RANBP2: variants seen among roughly 807,000 people sequenced by gnomAD.
RANBP2 encodes E3 SUMO-protein ligase RanBP2.
RANBP2 carries 57 observed loss-of-function variants against 303.6 expected under a neutral mutation model. The ratio of observed to expected loss-of-function variants is 0.19; its 90% CI spans 0.15 to 0.23. RANBP2 has a LOEUF of 0.23. Among genes scored for constraint, RANBP2 ranks in the 10% least tolerant of loss-of-function variants. The probability of loss-of-function intolerance (pLI) is 1.00; values close to 1 mark genes in which losing one functional copy is unlikely to be tolerated. For synonymous variants in RANBP2, 1,167 were observed against 1,301.5 expected, an observed-to-expected ratio of 0.90 and a Z score of 2.23; for missense variants, 3,138 against 3,780.8, an observed-to-expected ratio of 0.83 and a Z score of 4.46.
chr2:109,498,615 G>A, the RANBP2 span, among the ~76,000 whole-genome samples: 2 of 152,320 alleles, frequency 1.3e-5, no homozygotes, highest in African/African-American at 4.8e-5. Context: ...CCCTCCCAGA[G>A]CTGCTGAAAA....
chr2:108,881,314 C>G, the RANBP2 span, among the ~76,000 whole-genome samples: 1 of 152,352 alleles, frequency 6.6e-6, no homozygotes, highest in South Asian at 2.1e-4. Context: ...ACCTTTCCTT[C>G]TGCAGCTTCC....
At chr2:108,870,618 G>T in the RANBP2 span, among the ~76,000 whole-genome samples, 1 of 152,190 alleles carries the variant, frequency 6.6e-6, no homozygotes, top group Non-Finnish European at 1.5e-5. Flanking sequence ...AGTAAATGTG[G>T]TATGTACATA....
At chr2:109,240,592 A>G in the RANBP2 span, among the ~76,000 whole-genome samples, 2 of 152,278 alleles carry the variant, frequency 1.3e-5, no homozygotes, top group East Asian at 3.9e-4. Flanking sequence ...GTGGATAAAT[A>G]GGTTTTTCAT....
chr2:109,111,243 A>G, the RANBP2 span, among the ~76,000 whole-genome samples: 1,595 of 152,256 alleles, frequency 0.01, 31 homozygotes, highest in African/African-American at 0.036. Flanking sequence ...CACACACAAT[A>G]ATTCAAATCC....
the RANBP2 span, among the ~76,000 whole-genome samples, chr2:109,424,718 A>G: frequency 6.6e-6 from 1 of 152,126 alleles, no homozygotes; most frequent in African/African-American, 2.4e-5. Flanking sequence ...CTTACTCGAT[A>G]AGTGATGTGT....
chr2:108,786,943 T>G, downstream of RANBP2: 1 of 1,457,150 alleles, frequency 6.9e-7, no homozygotes, highest in South Asian at 1.3e-5. Context: ...GGTCCGCGGG[T>G]GGGCTCCTGC....
chr2:109,698,749 T>A, the RANBP2 span, among the ~76,000 whole-genome samples: 1 of 151,674 alleles, frequency 6.6e-6, no homozygotes, highest in Non-Finnish European at 1.5e-5. Flanking sequence ...CATGCTGGAG[T>A]TTTTTTGCAT....
chr2:108,766,319 T>C lies in RANBP2; in HGVS notation c.5780T>C (p.Ile1927Thr). 1 of 1,611,962 alleles carries C rather than the reference T, an allele frequency of 6.2e-7. No individual in the cohort carries two copies. The highest frequency in any genetic ancestry group is 8.5e-7 in the Non-Finnish European group (1 of 1,179,870). ...GGTACTGGCTTCCAGGCTCAGGATA[T>C]TAGTGGCCAGAAGAATGGCCGTGGT... ...ENGTGFQAQD[I>T]SGQKNGRGVI... The change falls in exon 20 of 29, where the codon ATT becomes ACT. Residue 1927 changes from isoleucine to threonine, a missense_variant. Coordinates refer to ENST00000283195, the MANE Select transcript of RANBP2 (RefSeq NM_006267.5).
the RANBP2 span, among the ~76,000 whole-genome samples, chr2:108,828,902 C>T: frequency 1.3e-5 from 2 of 152,026 alleles, no homozygotes; most frequent in Non-Finnish European, 2.9e-5. Flanking sequence ...TGCTTGAACC[C>T]AGGAGGTGGA....
Position 108,781,680 on chromosome 2 carries a change from C to G in RANBP2, c.8760+251C>G, listed in dbSNP as rs546635417. ...ATTTTTTCTTATGTTTCTAGAATAT[C>G]ATGTTTGTTTTTATAACATGATTCT... On this transcript the variant is annotated intron_variant, in intron 26 of 28. Coordinates refer to ENST00000283195, the MANE Select transcript of RANBP2 (RefSeq NM_006267.5). 3.9e-5 allele frequency among the ~76,000 whole-genome samples: 6 copies of G among 152,110 alleles called. No homozygotes were observed. In the South Asian group the frequency reaches 1.2e-3, roughly 32 times the overall value.
chr2:109,670,385 G>A, the RANBP2 span, among the ~76,000 whole-genome samples: 1 of 151,792 alleles, frequency 6.6e-6, no homozygotes, highest in Non-Finnish European at 1.5e-5. Context: ...GGCTGGTTGG[G>A]GATACTATCT....
At chr2:109,390,769 G>A in the RANBP2 span, among the ~76,000 whole-genome samples, 994 of 152,294 alleles carry the variant, frequency 6.5e-3, 11 homozygotes, top group East Asian at 0.052. Context: ...GGCTTGTGGG[G>A]CCTCACAGGG....
the RANBP2 span, among the ~76,000 whole-genome samples, chr2:109,023,222 G>A: frequency 2.0e-5 from 3 of 152,160 alleles, no homozygotes; most frequent in African/African-American, 7.2e-5. Context: ...CGCAGGCTGC[G>A]TTAACAGAGG....
chr2:109,652,747 G>A, the RANBP2 span, among the ~76,000 whole-genome samples: 1 of 152,208 alleles, frequency 6.6e-6, no homozygotes, highest in Non-Finnish European at 1.5e-5. Flanking sequence ...GGAAGCCAGA[G>A]AGGTTTCTCA....
At chr2:109,603,528 C>T in the RANBP2 span, among the ~76,000 whole-genome samples, 1 of 151,042 alleles carries the variant, frequency 6.6e-6, no homozygotes, top group African/African-American at 2.4e-5. Context: ...CGTGCACCAC[C>T]GCGCCCGGCC....
intron 23 of RANBP2, among the ~76,000 whole-genome samples, chr2:108,774,163 C>G (rs1677709171): frequency 6.6e-6 from 1 of 152,166 alleles, no homozygotes; most frequent in African/African-American, 2.4e-5. Flanking sequence ...ACTTTGCATT[C>G]CAGCGTAAAC....
the RANBP2 span, among the ~76,000 whole-genome samples, chr2:109,675,551 A>G: frequency 1.3e-5 from 2 of 152,112 alleles, no homozygotes; most frequent in African/African-American, 4.8e-5. Flanking sequence ...GTGTGGTAGC[A>G]GGCGCCTGTA....
the RANBP2 span, among the ~76,000 whole-genome samples, chr2:109,184,109 C>A: frequency 6.6e-6 from 1 of 152,334 alleles, no homozygotes; most frequent in South Asian, 2.1e-4. Flanking sequence ...GTTCCATGTG[C>A]TTCGTAGTCT....
the RANBP2 span, among the ~76,000 whole-genome samples, chr2:109,052,541 G>C: frequency 7.2e-5 from 11 of 152,102 alleles, no homozygotes; most frequent in African/African-American, 2.7e-4. Flanking sequence ...AATGTCTTCT[G>C]GGGCAAATAT....
Sources: gnomAD v4.1 joint callset for allele counts (sites outside exome capture counted in the v4.1 genomes callset) on GRCh38, gnomAD v4.1.1 for gene constraint, MANE v1.5 for transcripts, NCBI Gene and HGNC (gene_info 2026-07-23, HGNC 2026-07-21) for gene names.